NRXN1: variants seen among roughly 807,000 people sequenced by gnomAD.
NRXN1 encodes the protein neurexin-1.
In NRXN1, 39 loss-of-function variants were observed where a neutral mutation model predicts 150.9. That is an observed-to-expected ratio of 0.26 (90% CI 0.20 to 0.34). The LOEUF (loss-of-function observed/expected upper bound fraction) is 0.34, where lower values mean the gene tolerates loss of function less well. Among genes scored for constraint, NRXN1 ranks in the 10% least tolerant of loss-of-function variants. The pLI is 1.00. For missense variants in NRXN1, 1,815 were observed against 1,949.9 expected (o/e 0.93, Z 1.30); for synonymous variants, 924 against 757.0 (o/e 1.22, Z -3.62).
intron 18 of NRXN1, among the ~76,000 whole-genome samples, chr2:50,181,722 T>C (rs1451572643): frequency 6.6e-6 from 1 of 152,130 alleles, no homozygotes; most frequent in Non-Finnish European, 1.5e-5. Context: ...ATGAGAATAA[T>C]GGATAAGAAA....
chr2:50,019,229 G>C (rs1558704530), intron 21 of NRXN1: 1 of 471,416 alleles, frequency 2.1e-6, no homozygotes, highest in East Asian at 7.0e-5. Flanking sequence ...TCTCAGTTTA[G>C]TACTTACTTG....
In NRXN1 at chr2:50,478,047, T is replaced by C. The variant is rs367970791; in HGVS notation, c.3071-5576A>G. 4.0e-4 allele frequency among the ~76,000 whole-genome samples: 61 copies of C among 152,298 alleles called. 1 individual carries two copies. The highest frequency in any genetic ancestry group is 1.4e-3 in the African/African-American group (58 of 41,574). On this transcript the variant is annotated intron_variant, in intron 15 of 22. Coordinates refer to ENST00000401669, the MANE Select transcript of NRXN1 (RefSeq NM_001330078.2). ...CCCAAATTTGTACCATTATCTTTAA[T>C]TTTAATATTGTATTGCACACACATA...
chr2:50,689,225 G>T (rs1691706647), intron 5 of NRXN1, among the ~76,000 whole-genome samples: 1 of 152,100 alleles, frequency 6.6e-6, no homozygotes, highest in Admixed American at 6.6e-5. Flanking sequence ...GTACAGTCCT[G>T]TGGTCCTTAT....
chr2:50,107,539 ATT>A (rs1230095218), intron 18 of NRXN1, among the ~76,000 whole-genome samples: 38 of 129,844 alleles, frequency 2.9e-4, no homozygotes, highest in East Asian at 4.6e-4. Context: ...ATATATATAT[ATT>A]TTTTTTTTTT....
intron 9 of NRXN1, among the ~76,000 whole-genome samples, chr2:50,540,314 ACT>A (rs2093360047): frequency 6.6e-6 from 1 of 152,116 alleles, no homozygotes; most frequent in African/African-American, 2.4e-5. Context: ...CTAGAAGAAA[ACT>A]CTCATTTAGG....
chr2:50,294,855 G>C (rs866843386), intron 17 of NRXN1, among the ~76,000 whole-genome samples: 24 of 152,196 alleles, frequency 1.6e-4, no homozygotes, highest in African/African-American at 5.5e-4. Context: ...AACTCTCCTG[G>C]GAAAGTTTAA....
chr2:49,989,367 C>A (rs1309093380), intron 21 of NRXN1, among the ~76,000 whole-genome samples: 1 of 152,192 alleles, frequency 6.6e-6, no homozygotes, highest in Non-Finnish European at 1.5e-5. Flanking sequence ...CTTTAGGACT[C>A]TGCAGATGCA....
chr2:50,655,482 C>G (rs1039711101), intron 5 of NRXN1, among the ~76,000 whole-genome samples: 2 of 151,948 alleles, frequency 1.3e-5, no homozygotes, highest in Non-Finnish European at 2.9e-5. Flanking sequence ...TCCAATCTGA[C>G]AAGGTTGCTG....
At chr2:50,288,195 A>G (rs367794077) in intron 17 of NRXN1, among the ~76,000 whole-genome samples, 70 of 152,274 alleles carry the variant, frequency 4.6e-4, no homozygotes, top group African/African-American at 1.6e-3. Context: ...TTTATTTAAC[A>G]ATGAAGCTAA....
chr2:50,689,857 TG>T (rs1691809370), intron 5 of NRXN1, among the ~76,000 whole-genome samples: 1 of 38,020 alleles, frequency 2.6e-5, no homozygotes, highest in Non-Finnish European at 4.6e-5. Flanking sequence ...TGCTTATTTG[TG>T]TGTGTGTGTG....
At chr2:50,182,164 T>G (rs2060769840) in intron 18 of NRXN1, among the ~76,000 whole-genome samples, 1 of 150,866 alleles carries the variant, frequency 6.6e-6, no homozygotes, top group Admixed American at 6.7e-5. Context: ...CTATTTCCTC[T>G]CTGATTGACA....
chr2:50,371,545 G>GATTT lies in NRXN1; in HGVS notation c.3364+93893_3364+93896dup, dbSNP rs374471659. Among the ~76,000 whole-genome samples the GATTT allele has an allele frequency of 8.5e-3, 1,295 of 152,126 alleles. 22 individuals are homozygous for GATTT. The highest frequency in any genetic ancestry group is 0.03 in the African/African-American group (1,238 of 41,554). The stretch of plus-strand genomic sequence containing the variant: ...GATTATGTGGTCAGTTGAGTTAAGT[G>GATTT]ATTTATTCAGAGTTGCAAGGTTAAT... On this transcript the variant is annotated intron_variant, in intron 17 of 22. Coordinates refer to ENST00000401669, the MANE Select transcript of NRXN1 (RefSeq NM_001330078.2).
At chr2:50,100,208 G>A (rs1481937922) in intron 18 of NRXN1, among the ~76,000 whole-genome samples, 1 of 152,112 alleles carries the variant, frequency 6.6e-6, no homozygotes, top group Non-Finnish European at 1.5e-5. Flanking sequence ...GAAGCCTTTT[G>A]TGAACCATGT....
intron 2 of NRXN1, among the ~76,000 whole-genome samples, chr2:50,989,992 A>AT (rs146290704): frequency 0.029 from 4,435 of 151,990 alleles, 142 homozygotes; most frequent in Non-Finnish European, 0.037. Context: ...TGATATTGTC[A>AT]TTTTTTTAAA....
chr2:50,969,395 T>G (rs1034546812), intron 2 of NRXN1, among the ~76,000 whole-genome samples: 1 of 152,150 alleles, frequency 6.6e-6, no homozygotes, highest in Non-Finnish European at 1.5e-5. Context: ...TCATTACACA[T>G]AGTAAATGAT....
chr2:50,288,967 T>C (rs2072554653), intron 17 of NRXN1, among the ~76,000 whole-genome samples: 1 of 149,834 alleles, frequency 6.7e-6, no homozygotes, highest in South Asian at 2.1e-4. Flanking sequence ...GATACAACAA[T>C]TGAGCGGCTA....
intron 18 of NRXN1, among the ~76,000 whole-genome samples, chr2:50,223,722 C>T (rs2064101400): frequency 6.6e-6 from 1 of 151,876 alleles, no homozygotes. Context: ...AAGCAATAGA[C>T]AAATTCCCTT....
At chr2:50,069,902 G>C (rs571137980) in intron 19 of NRXN1, among the ~76,000 whole-genome samples, 2 of 148,712 alleles carry the variant, frequency 1.3e-5, no homozygotes, top group African/African-American at 4.9e-5. Context: ...CCAGGCTGGA[G>C]TGCAGTGGTG....
chr2:50,328,700 A>T (rs905794310), intron 17 of NRXN1, among the ~76,000 whole-genome samples: 6 of 152,128 alleles, frequency 3.9e-5, no homozygotes, highest in Non-Finnish European at 8.8e-5. Context: ...CGTGTCACTG[A>T]ACTCCAGCCC....
Sources: allele counts gnomAD v4.1 joint callset (sites outside exome capture counted in the v4.1 genomes callset), GRCh38; gene constraint gnomAD v4.1.1; transcripts MANE v1.5; gene names NCBI Gene and HGNC (gene_info 2026-07-23, HGNC 2026-07-21).